XKR6: variants seen among roughly 807,000 people sequenced by gnomAD.
The protein encoded by XKR6 is XK related 6.
Under a neutral mutation model 56.7 loss-of-function variants are expected in XKR6, and 22 were observed. The ratio of observed to expected loss-of-function variants is 0.39; its 90% CI spans 0.28 to 0.55. XKR6 has a LOEUF of 0.55. Ranked by LOEUF, XKR6 falls within the 20% of genes least tolerant of loss-of-function variation. XKR6 has a pLI of 0.66. For synonymous variants in XKR6, 524 were observed against 387.8 expected, an observed-to-expected ratio of 1.35 and a Z score of -4.13; for missense variants, 852 against 889.0, an observed-to-expected ratio of 0.96 and a Z score of 0.53.
intron 1 of XKR6, among the ~76,000 whole-genome samples, chr8:11,013,150 A>G (rs950915409): frequency 6.6e-6 from 1 of 152,218 alleles, no homozygotes; most frequent in Non-Finnish European, 1.5e-5. Context: ...ACCATGAGGC[A>G]TTTAATCCTC....
rs112834984 is a variant in XKR6, at chr8:10,960,000, TG to T, written c.765-35171del. On this transcript the variant is annotated intron_variant, in intron 1 of 2. Coordinates refer to ENST00000416569, the MANE Select transcript of XKR6 (RefSeq NM_173683.4). ...GGTTGCTCCTGGGATTACAAAAGCC[TG>T]AAGGTCAGGGGGGGGCCTCCTTAAA... is the stretch of plus-strand genomic sequence containing the variant. 8.3e-3 allele frequency among the ~76,000 whole-genome samples: 1,259 copies of T among 151,858 alleles called. 19 individuals are homozygous for T. Among genetic ancestry groups the T allele is most frequent in the African/African-American group, 0.029 (1,202 of 41,482 alleles).
In XKR6 at chr8:10,951,259, G is replaced by C. The variant is rs561805443; in HGVS notation, c.765-26429C>G. 3.9e-4 allele frequency among the ~76,000 whole-genome samples: 56 copies of C among 144,628 alleles called. No homozygotes were observed. The South Asian group carries it at 6.4e-3, about 16-fold the overall frequency. 94.9% of individuals were successfully genotyped at this position (144,628 alleles called of 152,430 possible). ...CATGCTGGGGGGACAAGGGCTGTGG[G>C]GAAAATAAAACAGAGGGATAGAAAA... On this transcript the variant is annotated intron_variant, in intron 1 of 2. Transcript: ENST00000416569.
chr8:10,982,916 C>T (rs2129137844), intron 1 of XKR6, among the ~76,000 whole-genome samples: 1 of 152,334 alleles, frequency 6.6e-6, no homozygotes, highest in East Asian at 1.9e-4. Context: ...ACTGGGACCC[C>T]ATTTCCGCTC....
At chr8:11,034,399 C>G (rs567734533) in intron 1 of XKR6, among the ~76,000 whole-genome samples, 30 of 152,232 alleles carry the variant, frequency 2.0e-4, no homozygotes, top group Middle Eastern at 3.4e-3. Flanking sequence ...GCAAAATGTC[C>G]AGGACATTTA....
At chr8:10,978,407 C>T (rs4451267) in intron 1 of XKR6, among the ~76,000 whole-genome samples, 85,809 of 152,098 alleles carry the variant, frequency 0.56, 26,937 homozygotes, top group African/African-American at 0.83. Context: ...TGGATTTATA[C>T]ATCCTGTGAA....
At chr8:11,185,199 G>C (rs1041956715) in intron 1 of XKR6, among the ~76,000 whole-genome samples, 1 of 152,192 alleles carries the variant, frequency 6.6e-6, no homozygotes, top group Non-Finnish European at 1.5e-5. Flanking sequence ...GATAGGCTCT[G>C]ACCACCTGTG....
intron 1 of XKR6, among the ~76,000 whole-genome samples, chr8:11,011,409 G>A (rs1798496358): frequency 6.6e-6 from 1 of 152,216 alleles, no homozygotes; most frequent in Admixed American, 6.5e-5. Context: ...CAGCGGACGA[G>A]GCTGGAAAGC....
intron 1 of XKR6, among the ~76,000 whole-genome samples, chr8:11,139,670 A>G (rs997987879): frequency 6.6e-6 from 1 of 152,212 alleles, no homozygotes; most frequent in Non-Finnish European, 1.5e-5. Flanking sequence ...ACAGGGACAA[A>G]GAAAAGGCAG....
At chr8:11,148,716 C>T (rs1801118149) in intron 1 of XKR6, among the ~76,000 whole-genome samples, 1 of 152,176 alleles carries the variant, frequency 6.6e-6, no homozygotes, top group Non-Finnish European at 1.5e-5. Flanking sequence ...CACACAAAGA[C>T]TTGTACACAA....
chr8:11,068,517 C>A (rs1452383929), intron 1 of XKR6, among the ~76,000 whole-genome samples: 2 of 152,216 alleles, frequency 1.3e-5, no homozygotes, highest in Non-Finnish European at 2.9e-5. Context: ...CTTTTCCCTG[C>A]CTGCTGCTCC....
At chr8:11,093,436 A>C (rs1798150708) in intron 1 of XKR6, among the ~76,000 whole-genome samples, 1 of 152,194 alleles carries the variant, frequency 6.6e-6, no homozygotes. Flanking sequence ...CTATGCAAGA[A>C]AAACTTTTCT....
At chr8:11,101,403 G>A (rs1426834963) in intron 1 of XKR6, among the ~76,000 whole-genome samples, 1 of 152,198 alleles carries the variant, frequency 6.6e-6, no homozygotes, top group Non-Finnish European at 1.5e-5. Flanking sequence ...AAATGACAAT[G>A]AATGGAGTAT....
rs1799943375 is a variant in XKR6, at chr8:10,898,281, T to A, written c.1597A>T (p.Ile533Phe). The change falls in exon 3 of 3, where the codon ATC becomes TTC. Residue 533 changes from isoleucine (I) to phenylalanine (F), a missense_variant. By Grantham distance (21) the Ile-to-Phe change is conservative. Coordinates refer to ENST00000416569, the MANE Select transcript of XKR6 (RefSeq NM_173683.4). This position sits in a 1 kb window ranked among gnomAD's most constrained non-coding sequence, Gnocchi z 6.6. Reference protein sequence around the residue: ...PPDVEPMAPEIPGYRGTQVTP... With the variant: ...PPDVEPMAPEFPGYRGTQVTP... ...ACCTGGGTCCCCCGGTACCCAGGGATCTCAGGCGCCATGGGCTCAACATCG... is the reference window on the plus strand; with the variant it reads ...ACCTGGGTCCCCCGGTACCCAGGGAACTCAGGCGCCATGGGCTCAACATCG... 1 of 1,614,010 alleles carries A rather than the reference T, an allele frequency of 6.2e-7. No homozygotes were observed. Among genetic ancestry groups the A allele is most frequent in the Admixed American group, 1.7e-5 (1 of 59,996 alleles).
rs183955327 is a variant in XKR6 at position 11,135,480 on chromosome 8, C to A, written c.764+65096G>T. Reference sequence around the variant, plus strand: ...TTGCTATCTTTAAATATCATTGTAACAATTAGGACTGGAAGACCCAAAGAA... The same window carrying A: ...TTGCTATCTTTAAATATCATTGTAAAAATTAGGACTGGAAGACCCAAAGAA... On this transcript the variant is annotated intron_variant, in intron 1 of 2. Coordinates refer to ENST00000416569, the MANE Select transcript of XKR6 (RefSeq NM_173683.4). 1.1e-4 allele frequency among the ~76,000 whole-genome samples: 17 copies of A among 152,192 alleles called. No homozygotes were observed. The East Asian group carries it at 3.3e-3, about 29-fold the overall frequency.
intron 1 of XKR6, among the ~76,000 whole-genome samples, chr8:11,140,831 G>A (rs917943341): frequency 1.3e-5 from 2 of 148,942 alleles, no homozygotes; most frequent in Non-Finnish European, 3.0e-5. Flanking sequence ...CCAGGAGGAA[G>A]AGCTTGTAGT....
At chr8:11,107,563 G>C (rs1269267050) in intron 1 of XKR6, among the ~76,000 whole-genome samples, 3 of 152,192 alleles carry the variant, frequency 2.0e-5, no homozygotes, top group South Asian at 2.1e-4. Flanking sequence ...GGTGAGGACA[G>C]AGAATGCAGA....
intron 1 of XKR6, among the ~76,000 whole-genome samples, chr8:11,189,365 C>T (rs1210604043): frequency 6.6e-6 from 1 of 152,198 alleles, no homozygotes; most frequent in Non-Finnish European, 1.5e-5. Context: ...TCAAAGGAAT[C>T]CTCAATTATA....
intron 1 of XKR6, among the ~76,000 whole-genome samples, chr8:10,998,032 C>T (rs977057876): frequency 1.3e-5 from 2 of 152,150 alleles, no homozygotes; most frequent in African/African-American, 2.4e-5. Flanking sequence ...GGAGAGGCAA[C>T]AGGTCTGAAG....
At chr8:11,033,285 A>G (rs1799040272) in intron 1 of XKR6, among the ~76,000 whole-genome samples, 1 of 147,780 alleles carries the variant, frequency 6.8e-6, no homozygotes, top group Non-Finnish European at 1.5e-5. Flanking sequence ...TGATGACGAT[A>G]GTGATGGTGA....
Sources: allele counts gnomAD v4.1 joint callset (sites outside exome capture counted in the v4.1 genomes callset), GRCh38; gene constraint gnomAD v4.1.1; non-coding constraint Gnocchi (gnomAD v3.1); transcripts MANE v1.5; gene names NCBI Gene and HGNC (gene_info 2026-07-23, HGNC 2026-07-21).